Variants in DYNC2H1 observed in about 807,000 individuals in gnomAD.
The protein encoded by DYNC2H1 is dynein cytoplasmic 2 heavy chain 1.
In DYNC2H1, 410 loss-of-function variants were observed where a neutral mutation model predicts 570.0. That is an observed-to-expected ratio of 0.72 (90% CI 0.66 to 0.78). DYNC2H1 has a LOEUF of 0.78. Among genes scored for constraint, DYNC2H1 ranks in the 30% least tolerant of loss-of-function variants. The pLI is 0.00. For synonymous variants in DYNC2H1, 1,688 were observed against 1,677.6 expected (o/e 1.01, Z -0.15); for missense variants, 4,865 against 5,046.4 (o/e 0.96, Z 1.09).
intron 86 of DYNC2H1, 99 bp downstream of exon 86, chr11:103,455,394 T>C: frequency 1.1e-6 from 1 of 885,816 alleles, no homozygotes; most frequent in East Asian, 2.6e-5. Flanking sequence ...AAGAAATAAA[T>C]TTATTATTGA....
chr11:103,257,340 G>A (rs1317979499), intron 68 of DYNC2H1, among the ~76,000 whole-genome samples: 4 of 152,144 alleles, frequency 2.6e-5, no homozygotes, highest in Non-Finnish European at 5.9e-5. Flanking sequence ...AAAGCAGAAC[G>A]AGTTTAGTGT....
chr11:103,303,107 T>C lies in DYNC2H1; in HGVS notation c.11110T>C (p.Ser3704Pro). 1.3e-6 allele frequency: 2 copies of C among 1,567,678 alleles called. No individual in the cohort carries two copies. The highest frequency in any genetic ancestry group is 1.7e-6 in the Non-Finnish European group (2 of 1,156,428). Residue 3704 changes from serine to proline, a missense_variant, in exon 76 of 89, where the codon TCC (serine) becomes CCC (proline). Coordinates refer to ENST00000375735, the MANE Select transcript of DYNC2H1 (RefSeq NM_001377.3). ...ACKTLGLKEV[S>P]PLPLNLKRLY... ...ATATATTTTAGGACTGAAAGAGGTG[T>C]CCCCACTGCCTCTAAATCTCAAACG...
intron 12 of DYNC2H1, among the ~76,000 whole-genome samples, chr11:103,127,254 A>G (rs1263162456): frequency 6.6e-6 from 1 of 152,242 alleles, no homozygotes; most frequent in Non-Finnish European, 1.5e-5. Context: ...TAGGAGCTCA[A>G]AAAATGAATG....
intron 52 of DYNC2H1, among the ~76,000 whole-genome samples, chr11:103,208,050 T>C (rs1863006788): frequency 6.6e-6 from 1 of 151,846 alleles, no homozygotes; most frequent in Non-Finnish European, 1.5e-5. Flanking sequence ...AGGAATATAG[T>C]GATAGAAGAA....
intron 85 of DYNC2H1, among the ~76,000 whole-genome samples, chr11:103,450,502 A>G (rs1285227222): frequency 6.6e-6 from 1 of 152,228 alleles, no homozygotes; most frequent in African/African-American, 2.4e-5. Flanking sequence ...TCTCACCACA[A>G]TGGAATTAAG....
chr11:103,116,846 T>G, intron 5 of DYNC2H1, 132 bp downstream of exon 5: 2 of 720,758 alleles, frequency 2.8e-6, no homozygotes, highest in Non-Finnish European at 4.1e-6. Flanking sequence ...CATGTAGCAT[T>G]ATTTAAATAG....
intron 9 of DYNC2H1, 108 bp from the exon 10 acceptor site, chr11:103,121,264 T>C: frequency 7.8e-7 from 1 of 1,287,188 alleles, no homozygotes; most frequent in Non-Finnish European, 1.0e-6. Context: ...AAGGACCAAC[T>C]CATTATTTTT....
Position 103,129,853 on chromosome 11 carries a change from C to A in DYNC2H1, c.1953+848C>A, listed in dbSNP as rs536433270. On this transcript the variant is annotated intron_variant, in intron 13 of 88. Transcript: ENST00000375735. This position sits in a 1 kb window ranked among gnomAD's most constrained non-coding sequence, Gnocchi z 4.1. ...GAGGTATATACCATTTTATTTTTTT[C>A]TATTTGAAAGTGGATAACTAGTTGT... Among the ~76,000 whole-genome samples, 53 of 151,928 alleles carry A rather than the reference C, an allele frequency of 3.5e-4. No homozygotes were observed. Among genetic ancestry groups the A allele is most frequent in the African/African-American group, 1.3e-3 (52 of 41,458 alleles).
At chr11:103,340,533 G>T (rs571772177) in intron 82 of DYNC2H1, among the ~76,000 whole-genome samples, 3 of 152,164 alleles carry the variant, frequency 2.0e-5, no homozygotes, top group African/African-American at 7.2e-5. Flanking sequence ...GTAAAATATT[G>T]GGTAAAAATA....
At chr11:103,273,350 G>C (rs997825344) in intron 70 of DYNC2H1, among the ~76,000 whole-genome samples, 5 of 151,734 alleles carry the variant, frequency 3.3e-5, no homozygotes, top group Admixed American at 6.6e-5. Flanking sequence ...CACCATGGGC[G>C]GCTACTTTTT....
At chr11:103,192,448 T>C (rs1862357650) in intron 47 of DYNC2H1, among the ~76,000 whole-genome samples, 184 bp downstream of exon 47, 1 of 152,188 alleles carries the variant, frequency 6.6e-6, no homozygotes, top group Non-Finnish European at 1.5e-5. Context: ...TCAATCAAAA[T>C]ATAATGGCAA....
At chr11:103,315,328 T>C (rs751545420) in intron 79 of DYNC2H1, among the ~76,000 whole-genome samples, 106 of 152,226 alleles carry the variant, frequency 7.0e-4, no homozygotes, top group Admixed American at 1.8e-3. Context: ...CATGGCCTGG[T>C]ATATAGCAGT....
At position 103,446,535 on chromosome 11, in the gene DYNC2H1, A is replaced by G. The variant is rs530468557; in HGVS notation, c.12457-8651A>G. Among the ~76,000 whole-genome samples, 31 of 152,320 alleles carry G rather than the reference A, an allele frequency of 2.0e-4. No individual in the cohort carries two copies. Among genetic ancestry groups the G allele is most frequent in the Non-Finnish European group, 2.9e-4 (20 of 68,024 alleles). ...TTCTAAAGAATGAAAGCCTGGTCATATGAGTTTAAAAAAGAATAAGGGGTG... is the reference window on the plus strand; with the variant it reads ...TTCTAAAGAATGAAAGCCTGGTCATGTGAGTTTAAAAAAGAATAAGGGGTG... On this transcript the variant is annotated intron_variant, in intron 85 of 88. Coordinates refer to ENST00000375735, the MANE Select transcript of DYNC2H1 (RefSeq NM_001377.3). This position sits in a 1 kb window ranked among gnomAD's most constrained non-coding sequence, Gnocchi z 4.5.
intron 75 of DYNC2H1, among the ~76,000 whole-genome samples, chr11:103,295,454 T>C (rs1054342402): frequency 6.6e-6 from 1 of 152,204 alleles, no homozygotes; most frequent in African/African-American, 2.4e-5. Context: ...CTCTGGAGAC[T>C]CTCCCAGCAC....
rs1448853442 is a variant in DYNC2H1 at position 103,252,908 on chromosome 11, C to A, written c.10043-377C>A. Among the ~76,000 whole-genome samples, 2 of 152,054 alleles carry A rather than the reference C, an allele frequency of 1.3e-5. No homozygotes were observed. The highest frequency in any genetic ancestry group is 2.9e-5 in the Non-Finnish European group (2 of 67,998). On this transcript the variant is annotated intron_variant, in intron 65 of 88. Coordinates refer to ENST00000375735, the MANE Select transcript of DYNC2H1 (RefSeq NM_001377.3). This position sits in a 1 kb window ranked among gnomAD's most constrained non-coding sequence, Gnocchi z 4.6. ...GTATCTTAAATACTAGTGCAATAAA[C>A]ACTTTTAAAATGATGAATTTAGAAG...
In DYNC2H1 at chr11:103,139,553, A is replaced by G. The variant is rs1036684772; in HGVS notation, c.2574+3605A>G. On this transcript the variant is annotated intron_variant, in intron 17 of 88. Transcript: ENST00000375735. ...AGTGAGTTTCTTAATCCTGAGTTCT[A>G]GTTTGATTGCACTGTGGTCTGAGAG... is the stretch of plus-strand genomic sequence containing the variant. Among the ~76,000 whole-genome samples, 4 of 151,172 alleles carry G rather than the reference A, an allele frequency of 2.6e-5. No homozygotes were observed. The South Asian group carries it at 8.4e-4, about 32-fold the overall frequency.
In DYNC2H1 at chr11:103,383,720, C is replaced by T. The variant is rs548311499; in HGVS notation, c.12157-15943C>T. On this transcript the variant is annotated intron_variant, in intron 83 of 88. Transcript: ENST00000375735. The stretch of plus-strand genomic sequence containing the variant: ...CCATCTCCTGACCTCATGATCTGCC[C>T]GCCTCAGCCTCCCAAAGTGCTGGGA... Among the ~76,000 whole-genome samples the T allele has an allele frequency of 6.6e-4, 101 of 152,034 alleles. No individual in the cohort carries two copies. In the Middle Eastern group the frequency reaches 0.01, roughly 15 times the overall value.
At chr11:103,187,925 A>G (rs1363335422) in intron 43 of DYNC2H1, among the ~76,000 whole-genome samples, 1 of 152,066 alleles carries the variant, frequency 6.6e-6, no homozygotes, top group Non-Finnish European at 1.5e-5. Flanking sequence ...TAAAGTATGC[A>G]TTCTTCTCAC....
rs1232058032 is a variant in DYNC2H1 at position 103,204,484 on chromosome 11, A to AAAAAAC, written c.8312-337_8312-332dup. Among the ~76,000 whole-genome samples, 1 of 152,164 alleles carries AAAAAAC rather than the reference A, an allele frequency of 6.6e-6. No homozygotes were observed. Among genetic ancestry groups the AAAAAAC allele is most frequent in the Non-Finnish European group, 1.5e-5 (1 of 68,014 alleles). On this transcript the variant is annotated intron_variant, in intron 51 of 88. Transcript: ENST00000375735. The surrounding 1 kb of genome is among the most constrained non-coding windows in gnomAD (Gnocchi z 4.1). ...AGATTGTGCCAGACTTCATAGTTTT[A>AAAAAAC]AAAAACTAGCCTTTTATTCTTATAG...
Sources: gnomAD v4.1 joint callset for allele counts (sites outside exome capture counted in the v4.1 genomes callset) on GRCh38, gnomAD v4.1.1 for gene constraint, Gnocchi (gnomAD v3.1) non-coding constraint, MANE v1.5 for transcripts, NCBI Gene and HGNC (gene_info 2026-07-23, HGNC 2026-07-21) for gene names.